Variants in TM9SF3 observed in about 807,000 individuals in gnomAD.
TM9SF3 encodes the protein transmembrane 9 superfamily member 3, also known as SM-11044-binding protein.
In TM9SF3, 14 loss-of-function variants were observed where a neutral mutation model predicts 78.6. That is an observed-to-expected ratio of 0.18 (90% CI 0.12 to 0.28). The LOEUF is 0.28. Among genes scored for constraint, TM9SF3 ranks in the 10% least tolerant of loss-of-function variants. The probability of loss-of-function intolerance (pLI) is 1.00; values close to 1 mark genes in which losing one functional copy is unlikely to be tolerated. For missense variants in TM9SF3, 496 were observed against 721.9 expected, an observed-to-expected ratio of 0.69 and a Z score of 3.59; for synonymous variants, 231 against 241.7, an observed-to-expected ratio of 0.96 and a Z score of 0.41.
chr10:96,571,150 G>C (rs1355349732), intron 2 of TM9SF3, among the ~76,000 whole-genome samples: 1 of 152,202 alleles, frequency 6.6e-6, no homozygotes, highest in Non-Finnish European at 1.5e-5. Flanking sequence ...TGTAAGGGAG[G>C]GAACTGGTGT....
intron 7 of TM9SF3, among the ~76,000 whole-genome samples, chr10:96,550,100 T>C (rs545552656): frequency 2.9e-4 from 44 of 152,210 alleles, no homozygotes; most frequent in Non-Finnish European, 3.8e-4. Flanking sequence ...AGTTTAGATT[T>C]GGGTTATTTT....
rs879038830 is a variant in TM9SF3, at chr10:96,520,079, C to T, written c.*2184G>A. On this transcript the variant is annotated 3_prime_UTR_variant, in exon 15 of 15. Coordinates refer to ENST00000371142, the MANE Select transcript of TM9SF3 (RefSeq NM_020123.4). Reference sequence around the variant, plus strand: ...CAAATTTCATTTTATTAAGACAAAACCTTACTGTCCAATTTATACTCCCAT... The same window carrying T: ...CAAATTTCATTTTATTAAGACAAAATCTTACTGTCCAATTTATACTCCCAT... 2 of 151,800 alleles carry T rather than the reference C, an allele frequency of 1.3e-5. No homozygotes were observed. The highest frequency in any genetic ancestry group is 6.6e-5 in the Admixed American group (1 of 15,228). 9.4% of individuals were successfully genotyped at this position (151,800 alleles called of 1,614,324 possible).
Position 96,520,896 on chromosome 10 carries a change from G to A in TM9SF3, c.*1367C>T. 2.5e-6 allele frequency: 1 copy of A among 397,210 alleles called. No individual in the cohort carries two copies. Among genetic ancestry groups the A allele is most frequent in the Non-Finnish European group, 4.4e-6 (1 of 224,766 alleles). 24.6% of individuals were successfully genotyped at this position (397,210 alleles called of 1,614,324 possible). A position where few individuals can be genotyped will look rare whatever the true frequency, so the allele number is the denominator to read the frequency against. Reference sequence around the variant, plus strand: ...CTGTATGAGAGTAGCATAGTTTATAGCATACTTTTAAAAATGGCATTCGGT... The same window carrying A: ...CTGTATGAGAGTAGCATAGTTTATAACATACTTTTAAAAATGGCATTCGGT... On this transcript the variant is annotated 3_prime_UTR_variant, in exon 15 of 15. Transcript: ENST00000371142.
chr10:96,540,617 CTTTTTTT>C (rs879853876), intron 9 of TM9SF3, among the ~76,000 whole-genome samples: 2 of 140,488 alleles, frequency 1.4e-5, no homozygotes, highest in African/African-American at 5.2e-5. Flanking sequence ...TAGAGCCATT[CTTTTTTT>C]TTTTTTACTT....
chr10:96,582,921 A>C (rs1419447261), intron 1 of TM9SF3, among the ~76,000 whole-genome samples: 1 of 151,956 alleles, frequency 6.6e-6, no homozygotes, highest in Non-Finnish European at 1.5e-5. Flanking sequence ...TCAACTAAAA[A>C]AATACAAAAT....
rs768747413 is a variant in TM9SF3, at chr10:96,551,427, T to A, written c.793-16A>T. On this transcript the variant is annotated splice_polypyrimidine_tract_variant and intron_variant, in intron 6 of 14. Transcript: ENST00000371142. ...GGTCTCTATCCTATATACAAATATA[T>A]ATATAGAGAGAGAAAAGCAAATCAT... The A allele has an allele frequency of 6.7e-6, 10 of 1,497,252 alleles. No individual in the cohort carries two copies. In the South Asian group the frequency reaches 1.4e-4, roughly 21 times the overall value. The allele number at this position is 1,497,252 out of a possible 1,614,324, so 92.7% of individuals were successfully genotyped here. A position where few individuals can be genotyped will look rare whatever the true frequency, so the allele number is the denominator to read the frequency against.
Position 96,560,565 on chromosome 10 carries a change from G to C in TM9SF3, c.583-829C>G, listed in dbSNP as rs185324798. 6 of 692,886 alleles carry C rather than the reference G, an allele frequency of 8.7e-6. No individual in the cohort carries two copies. In the East Asian group the frequency reaches 1.5e-4, roughly 17 times the overall value. The allele number at this position is 692,886 out of a possible 1,614,324, so 42.9% of individuals were successfully genotyped here. The stretch of plus-strand genomic sequence containing the variant: ...GGAGGAAGATGCAGAATCAGAAGAT[G>C]AACAGGAGGAGGCGAAATTCTTAAG... On this transcript the variant is annotated intron_variant, in intron 4 of 14. Coordinates refer to ENST00000371142, the MANE Select transcript of TM9SF3 (RefSeq NM_020123.4).
At position 96,522,132 on chromosome 10, in the gene TM9SF3, CGAAAGA is replaced by C; in HGVS notation, c.*125_*130del. 1.4e-6 allele frequency: 1 copy of C among 720,100 alleles called. No individual in the cohort carries two copies. The highest frequency in any genetic ancestry group is 2.4e-6 in the Non-Finnish European group (1 of 425,308). The allele number at this position is 720,100 out of a possible 1,614,324, so 44.6% of individuals were successfully genotyped here. ...AATAGATGTTACTTTAAGCCACCGACGAAAGAGAGACCCACAAAGTACCCAGTGTGT... is the reference window on the plus strand; with the variant it reads ...AATAGATGTTACTTTAAGCCACCGACGAGACCCACAAAGTACCCAGTGTGT... On this transcript the variant is annotated 3_prime_UTR_variant, in exon 15 of 15. Transcript: ENST00000371142.
chr10:96,576,987 C>T (rs776446869), intron 1 of TM9SF3, among the ~76,000 whole-genome samples, 158 bp from the exon 2 acceptor site: 36 of 152,226 alleles, frequency 2.4e-4, no homozygotes, highest in Admixed American at 5.9e-4. Context: ...ATGTCCACAT[C>T]TTAAAAATGA....
rs77005848 is a variant in TM9SF3, at chr10:96,529,172, T to G, written c.1395-995A>C. Among the ~76,000 whole-genome samples, 1,208 of 152,270 alleles carry G rather than the reference T, an allele frequency of 7.9e-3. 19 individuals carry two copies. Among genetic ancestry groups the G allele is most frequent in the African/African-American group, 0.028 (1,157 of 41,558 alleles). ...ACTGGAACTAAAGAAGTTCCTGAACTGACTTTAATAAACCACGAGTTACAG... is the reference window on the plus strand; with the variant it reads ...ACTGGAACTAAAGAAGTTCCTGAACGGACTTTAATAAACCACGAGTTACAG... On this transcript the variant is annotated intron_variant, in intron 11 of 14. Coordinates refer to ENST00000371142, the MANE Select transcript of TM9SF3 (RefSeq NM_020123.4).
intron 1 of TM9SF3, among the ~76,000 whole-genome samples, chr10:96,580,161 C>T (rs1358527316): frequency 1.4e-4 from 22 of 152,238 alleles, no homozygotes; most frequent in Admixed American, 3.3e-4. Context: ...TCTTCACCTA[C>T]TTATTTTCCA....
chr10:96,541,340 A>G (rs1488433404), intron 9 of TM9SF3, among the ~76,000 whole-genome samples: 1 of 152,118 alleles, frequency 6.6e-6, no homozygotes. Context: ...TAAATTCCCA[A>G]AATAAAAAGT....
At chr10:96,558,430 G>T (rs1212556306) in intron 5 of TM9SF3, among the ~76,000 whole-genome samples, 2 of 152,028 alleles carry the variant, frequency 1.3e-5, no homozygotes, top group Non-Finnish European at 2.9e-5. Context: ...ATCACTTGAG[G>T]TCAGGAGCTC....
chr10:96,548,957 TCTG>T (rs930588987), intron 7 of TM9SF3, among the ~76,000 whole-genome samples: 1 of 152,096 alleles, frequency 6.6e-6, no homozygotes, highest in East Asian at 1.9e-4. Flanking sequence ...CATTGAAAAA[TCTG>T]CTGAGGGAGG....
At chr10:96,553,976 C>T (rs557023454) in intron 5 of TM9SF3, among the ~76,000 whole-genome samples, 4 of 152,168 alleles carry the variant, frequency 2.6e-5, no homozygotes, top group Non-Finnish European at 5.9e-5. Context: ...CTTTCTGCTG[C>T]CTTCCCTTGA....
intron 9 of TM9SF3, among the ~76,000 whole-genome samples, chr10:96,533,692 T>C (rs1042531630): frequency 6.6e-6 from 1 of 152,000 alleles, no homozygotes; most frequent in Non-Finnish European, 1.5e-5. Context: ...AAATTTCAAC[T>C]CAGATCTGCC....
At chr10:96,557,318 C>G (rs1848245512) in intron 5 of TM9SF3, among the ~76,000 whole-genome samples, 1 of 148,244 alleles carries the variant, frequency 6.7e-6, no homozygotes, top group Non-Finnish European at 1.5e-5. Context: ...AATACAGCCC[C>G]AGTGATGTCA....
At chr10:96,560,040 G>A (rs1224179140) in intron 4 of TM9SF3, 1 of 574,408 alleles carries the variant, frequency 1.7e-6, no homozygotes, top group Non-Finnish European at 3.1e-6. Flanking sequence ...ATTAGTATAA[G>A]CTCATATCAC....
intron 2 of TM9SF3, among the ~76,000 whole-genome samples, chr10:96,567,084 C>CTTT (rs5787198): frequency 0.013 from 1,681 of 124,774 alleles, 96 homozygotes; most frequent in African/African-American, 0.043. Flanking sequence ...TGTATAAAGC[C>CTTT]TTTTTTTTTT....
Sources: gnomAD v4.1 joint callset for allele counts (sites outside exome capture counted in the v4.1 genomes callset) on GRCh38, gnomAD v4.1.1 for gene constraint, MANE v1.5 for transcripts, NCBI Gene and HGNC (gene_info 2026-07-23, HGNC 2026-07-21) for gene names.